Variants in APBA2 observed in about 807,000 individuals in gnomAD.
The protein encoded by APBA2 is amyloid beta precursor protein binding family A member 2.
Under a neutral mutation model 75.0 loss-of-function variants are expected in APBA2, and 30 were observed. The ratio of observed to expected loss-of-function variants is 0.40; its 90% CI spans 0.30 to 0.54. The LOEUF is 0.54. APBA2 is among the 20% of genes least tolerant of loss of function. The pLI, the probability that APBA2 is intolerant of heterozygous loss-of-function variation, is 0.49. For synonymous variants in APBA2, 444 were observed against 409.6 expected, an observed-to-expected ratio of 1.08 and a Z score of -1.01; for missense variants, 801 against 1,016.1, an observed-to-expected ratio of 0.79 and a Z score of 2.88.
rs2041331647 is a variant in APBA2, at chr15:29,046,356, C to T, written c.-40-7489C>T. Among the ~76,000 whole-genome samples, 1 of 152,222 alleles carries T rather than the reference C, an allele frequency of 6.6e-6. No individual in the cohort carries two copies. The highest frequency in any genetic ancestry group is 2.1e-4 in the South Asian group (1 of 4,830). On this transcript the variant is annotated intron_variant, in intron 3 of 14. Transcript: ENST00000683413. This position sits in a 1 kb window ranked among gnomAD's most constrained non-coding sequence, Gnocchi z 5.0. ...CCCACTTTTGTGTCTTGGGAATTAT[C>T]TGCTGTGCTCTGAATAGCCCCGTCC...
chr15:28,994,432 G>A (rs551566691), intron 2 of APBA2, among the ~76,000 whole-genome samples: 1 of 152,258 alleles, frequency 6.6e-6, no homozygotes, highest in East Asian at 1.9e-4. Flanking sequence ...CACAGAACAG[G>A]CCGTGAAAAG....
At chr15:29,007,214 C>T (rs2039162668) in intron 3 of APBA2, among the ~76,000 whole-genome samples, 2 of 152,136 alleles carry the variant, frequency 1.3e-5, no homozygotes, top group Admixed American at 1.3e-4. Flanking sequence ...ATAAAAACAA[C>T]ACAAGAGAAT....
Position 29,113,738 on chromosome 15 carries a change from C to T in APBA2, c.2038-138C>T, listed in dbSNP as rs370884352. 394 of 1,074,076 alleles carry T rather than the reference C, an allele frequency of 3.7e-4. 3 individuals carry two copies. The South Asian group carries it at 5.2e-3, about 14-fold the overall frequency. The allele number at this position is 1,074,076 out of a possible 1,614,324, so 66.5% of individuals were successfully genotyped here. ...TACTGCATATCATAAGGATCTCTGT[C>T]TGTGAGTCAGCGAATTGCACGTGCA... is the stretch of plus-strand genomic sequence containing the variant. On this transcript the variant is annotated intron_variant, in intron 13 of 14. Transcript: ENST00000683413.
chr15:28,887,781 T>C (rs2031851606), intron 1 of APBA2, among the ~76,000 whole-genome samples: 1 of 152,120 alleles, frequency 6.6e-6, no homozygotes, highest in African/African-American at 2.4e-5. Context: ...CTTCCCTCGG[T>C]GGGCTCTAGC....
At chr15:28,958,643 G>A (rs1376197883) in intron 2 of APBA2, among the ~76,000 whole-genome samples, 2 of 152,140 alleles carry the variant, frequency 1.3e-5, no homozygotes, top group African/African-American at 4.8e-5. Flanking sequence ...CTGGGGCAGG[G>A]AGGTAATGAG....
At chr15:29,085,862 G>A (rs1032790785) in intron 6 of APBA2, among the ~76,000 whole-genome samples, 3 of 152,128 alleles carry the variant, frequency 2.0e-5, no homozygotes, top group Non-Finnish European at 4.4e-5. Context: ...TAGTGTGGTT[G>A]CTCGTTGTTG....
chr15:29,096,123 A>G (rs2043838038), intron 8 of APBA2, among the ~76,000 whole-genome samples: 1 of 152,226 alleles, frequency 6.6e-6, no homozygotes, highest in Non-Finnish European at 1.5e-5. Flanking sequence ...GCTCAGTGTC[A>G]TTGCTGAAGG....
At chr15:28,998,268 C>T (rs750394) in intron 3 of APBA2, among the ~76,000 whole-genome samples, 4,522 of 150,264 alleles carry the variant, frequency 0.03, 232 homozygotes, top group African/African-American at 0.11. Context: ...TCCTATAGGC[C>T]CTCGATCTAT....
At chr15:28,961,873 C>CTATGA (rs2036491943) in intron 2 of APBA2, among the ~76,000 whole-genome samples, 2 of 152,292 alleles carry the variant, frequency 1.3e-5, no homozygotes, top group African/African-American at 4.8e-5. Flanking sequence ...AAGTGATACT[C>CTATGA]TAATTCTATC....
At chr15:28,969,406 C>G (rs928258283) in intron 2 of APBA2, among the ~76,000 whole-genome samples, 1 of 152,008 alleles carries the variant, frequency 6.6e-6, no homozygotes, top group African/African-American at 2.4e-5. Flanking sequence ...TCTCGAACTC[C>G]TGACCTCAGG....
At chr15:29,065,642 C>T (rs185245831) in intron 4 of APBA2, among the ~76,000 whole-genome samples, 3 of 152,198 alleles carry the variant, frequency 2.0e-5, no homozygotes, top group African/African-American at 7.2e-5. Context: ...GCCACACCCA[C>T]GTCTGCCCCC....
intron 3 of APBA2, among the ~76,000 whole-genome samples, chr15:29,010,033 T>C (rs2039319514): frequency 6.6e-6 from 1 of 152,230 alleles, no homozygotes. Context: ...AAATAGGAGT[T>C]TCATTTGCTC....
chr15:28,993,769 C>T (rs1035961543), intron 2 of APBA2, among the ~76,000 whole-genome samples: 4 of 152,130 alleles, frequency 2.6e-5, no homozygotes, highest in Admixed American at 1.3e-4. Context: ...GGGAAGGAGG[C>T]GGTGGGCGAT....
chr15:29,075,092 T>C, intron 5 of APBA2, 91 bp downstream of exon 5: 2 of 991,528 alleles, frequency 2.0e-6, no homozygotes, highest in Non-Finnish European at 3.2e-6. Flanking sequence ...ACTTTGTCCA[T>C]GATGTTCTCA....
intron 2 of APBA2, among the ~76,000 whole-genome samples, chr15:28,949,482 T>A (rs969751180): frequency 2.0e-5 from 3 of 152,174 alleles, no homozygotes; most frequent in African/African-American, 7.2e-5. Context: ...TTCTGTTGTT[T>A]TTTTGAGACA....
At chr15:29,064,327 C>T (rs568476747) in intron 4 of APBA2, among the ~76,000 whole-genome samples, 2 of 152,300 alleles carry the variant, frequency 1.3e-5, no homozygotes, top group Admixed American at 1.3e-4. Flanking sequence ...TGTGGGGGGC[C>T]GGCCCTCCCT....
chr15:29,093,327 C>T (rs950254256), intron 7 of APBA2, 107 bp downstream of exon 7: 3 of 1,485,296 alleles, frequency 2.0e-6, no homozygotes, highest in African/African-American at 2.8e-5. Context: ...GACTGCACAG[C>T]CCTCAGCACA....
intron 2 of APBA2, among the ~76,000 whole-genome samples, chr15:28,947,730 C>T (rs546073825): frequency 4.6e-5 from 7 of 152,156 alleles, no homozygotes; most frequent in African/African-American, 1.2e-4. Flanking sequence ...CTCAGCAAAG[C>T]GCCTCTAGAG....
chr15:28,995,999 G>A (rs2038496308), intron 3 of APBA2, among the ~76,000 whole-genome samples, 193 bp downstream of exon 3: 1 of 152,084 alleles, frequency 6.6e-6, no homozygotes, highest in South Asian at 2.1e-4. Flanking sequence ...GCCAAGGAGT[G>A]GATGGACACT....
Sources: gnomAD v4.1 joint callset for allele counts (sites outside exome capture counted in the v4.1 genomes callset) on GRCh38, gnomAD v4.1.1 for gene constraint, Gnocchi (gnomAD v3.1) non-coding constraint, MANE v1.5 for transcripts, NCBI Gene and HGNC (gene_info 2026-07-23, HGNC 2026-07-21) for gene names.